TMEM192: variants seen among roughly 807,000 people sequenced by gnomAD.
The protein encoded by TMEM192 is transmembrane protein 192.
Under a neutral mutation model 26.7 loss-of-function variants are expected in TMEM192, and 20 were observed. The ratio of observed to expected loss-of-function variants is 0.75; its 90% CI spans 0.53 to 1.09. The LOEUF is 1.09. Ranked by LOEUF, TMEM192 falls within the 50% of genes least tolerant of loss-of-function variation. TMEM192 has a pLI of 0.00. For synonymous variants in TMEM192, 124 were observed against 121.0 expected (o/e 1.02, Z -0.16); for missense variants, 304 against 322.6 (o/e 0.94, Z 0.44).
intron 3 of TMEM192, among the ~76,000 whole-genome samples, chr4:165,097,499 A>C (rs1734937882): frequency 6.7e-6 from 1 of 149,724 alleles, no homozygotes; most frequent in African/African-American, 2.4e-5. Context: ...ATCTCAAAAA[A>C]AAAAAAAAAA....
chr4:165,079,849 G>A (rs906760586), intron 5 of TMEM192, 53 bp from the exon 6 acceptor site: 9 of 1,548,124 alleles, frequency 5.8e-6, no homozygotes, highest in Non-Finnish European at 7.9e-6. Context: ...ATACTCATTA[G>A]TGTCTTTGCA....
chr4:165,081,355 T>C (rs73007657), intron 5 of TMEM192, among the ~76,000 whole-genome samples: 4,431 of 151,520 alleles, frequency 0.029, 172 homozygotes, highest in African/African-American at 0.085. Context: ...CTCTTGTATA[T>C]ACTGACTTTT....
At chr4:165,108,112 CTTTTTTTTTTTTT>C (rs755013001) in intron 1 of TMEM192, among the ~76,000 whole-genome samples, 2 of 91,174 alleles carry the variant, frequency 2.2e-5, no homozygotes, top group African/African-American at 1.0e-4. Flanking sequence ...TCTGTATTCC[CTTTTTTTTTTTTT>C]TTTTTTTTTT....
At chr4:165,097,641 G>T (rs1322910729) in intron 3 of TMEM192, among the ~76,000 whole-genome samples, 2 of 147,904 alleles carry the variant, frequency 1.4e-5, no homozygotes, top group African/African-American at 2.5e-5. Context: ...ATAGAGGGGG[G>T]TGTCACTCTT....
At chr4:165,080,914 C>G (rs10010990) in intron 5 of TMEM192, among the ~76,000 whole-genome samples, 4,126 of 152,110 alleles carry the variant, frequency 0.027, 184 homozygotes, top group African/African-American at 0.094. Context: ...AGGGTTTTAC[C>G]ATGTTGGCCA....
intron 3 of TMEM192, among the ~76,000 whole-genome samples, chr4:165,093,909 G>C (rs1734830860): frequency 6.6e-6 from 1 of 151,688 alleles, no homozygotes; most frequent in South Asian, 2.1e-4. Context: ...GTTTTGTTTT[G>C]TTTTTTTGAG....
At chr4:165,104,456 C>A (rs1350014628) in intron 1 of TMEM192, among the ~76,000 whole-genome samples, 1 of 152,142 alleles carries the variant, frequency 6.6e-6, no homozygotes, top group East Asian at 1.9e-4. Context: ...TAGGGTGTAA[C>A]CTAGCTCTGG....
At chr4:165,095,104 G>A (rs1344771646) in intron 3 of TMEM192, among the ~76,000 whole-genome samples, 1 of 152,122 alleles carries the variant, frequency 6.6e-6, no homozygotes, top group African/African-American at 2.4e-5. Flanking sequence ...GGGCTCCAGT[G>A]TAGGATCTGA....
chr4:165,111,673 T>G (rs1430353769), intron 1 of TMEM192: 2 of 152,244 alleles, frequency 1.3e-5, no homozygotes, highest in Non-Finnish European at 2.9e-5. Flanking sequence ...ATTTTCCATT[T>G]TCTCAACTGG....
intron 1 of TMEM192, among the ~76,000 whole-genome samples, chr4:165,110,084 G>A (rs1435817215): frequency 6.6e-6 from 1 of 152,112 alleles, no homozygotes. Flanking sequence ...AATCCTATAG[G>A]AAATATGCAG....
At position 165,102,993 on chromosome 4, in the gene TMEM192, G is replaced by C; in HGVS notation, c.131C>G (p.Pro44Arg). The C allele has an allele frequency of 1.2e-6, 2 of 1,613,458 alleles. No individual in the cohort carries two copies. Among genetic ancestry groups the C allele is most frequent in the East Asian group, 2.2e-5 (1 of 44,856 alleles). ...ATTCACTATGATGACTGTAGGAAGA[G>C]GATGGAATCGGGGTCTAAAGTGAGC... Reference protein sequence around the residue: ...LQAHFRPRFHPLPTVIIVNLL... With the variant: ...LQAHFRPRFHRLPTVIIVNLL... Residue 44 changes from proline to arginine, a missense_variant, in exon 2 of 6, where the codon CCT (proline) becomes CGT (arginine). Pro to Arg is a moderately radical substitution (Grantham distance 103, BLOSUM62 -2). Coordinates refer to ENST00000306480, the MANE Select transcript of TMEM192 (RefSeq NM_001100389.2).
chr4:165,094,088 A>AG (rs1368316349), intron 3 of TMEM192, among the ~76,000 whole-genome samples: 2 of 151,404 alleles, frequency 1.3e-5, no homozygotes, highest in Non-Finnish European at 1.5e-5. Flanking sequence ...TTTAGTAGAG[A>AG]GGGGGTTTCA....
intron 3 of TMEM192, among the ~76,000 whole-genome samples, chr4:165,094,065 A>T (rs1315672280): frequency 6.6e-6 from 1 of 151,432 alleles, no homozygotes; most frequent in Non-Finnish European, 1.5e-5. Flanking sequence ...ATGCCTGGCT[A>T]ATTTTTTGTA....
intron 3 of TMEM192, among the ~76,000 whole-genome samples, chr4:165,096,189 C>A (rs977475718): frequency 1.3e-5 from 2 of 151,852 alleles, no homozygotes; most frequent in African/African-American, 4.8e-5. Flanking sequence ...GAGCGGATCA[C>A]CTGAGGTTAG....
chr4:165,073,934 A>C lies in TMEM192; in HGVS notation c.*5724T>G, dbSNP rs1355156021. The stretch of plus-strand genomic sequence containing the variant: ...CTCCCCTCGTCAAGATATTAAAAAT[A>C]ATGATCAATAAATACTAACAGAACT... On this transcript the variant is annotated 3_prime_UTR_variant, in exon 6 of 6. Coordinates refer to ENST00000306480, the MANE Select transcript of TMEM192 (RefSeq NM_001100389.2). 6.6e-6 allele frequency: 1 copy of C among 152,140 alleles called. No homozygotes were observed. Among genetic ancestry groups the C allele is most frequent in the Non-Finnish European group, 1.5e-5 (1 of 68,060 alleles). The allele number at this position is 152,140 out of a possible 1,614,324, so 9.4% of individuals were successfully genotyped here. A position where few individuals can be genotyped will look rare whatever the true frequency, so the allele number is the denominator to read the frequency against.
rs542877284 is a variant in TMEM192 at position 165,071,492 on chromosome 4, G to C, written c.*8166C>G. ...TTTTCAGTAGAGACAGGGTTTCATC[G>C]TGTTGGCCAGGCCGGTCTCCCAACT... On this transcript the variant is annotated 3_prime_UTR_variant, in exon 6 of 6. Transcript: ENST00000306480. The C allele has an allele frequency of 6.6e-6, 1 of 152,108 alleles. No homozygotes were observed. The highest frequency in any genetic ancestry group is 2.1e-4 in the South Asian group (1 of 4,814). 9.4% of individuals were successfully genotyped at this position (152,108 alleles called of 1,614,324 possible). A position where few individuals can be genotyped will look rare whatever the true frequency, so the allele number is the denominator to read the frequency against.
Position 165,085,585 on chromosome 4 carries a change from C to G in TMEM192, c.677+1G>C. On this transcript the variant is annotated splice_donor_variant, in intron 5 of 5. Transcript: ENST00000306480. LOFTEE classifies it high-confidence loss of function. ...TTATTTTATTCTCACCTAAATCTTA[C>G]CTGAATCCAGTCTCCGAGGTAATAT... 2 of 1,599,152 alleles carry G rather than the reference C, an allele frequency of 1.3e-6. No homozygotes were observed. The highest frequency in any genetic ancestry group is 2.2e-5 in the East Asian group (1 of 44,734).
intron 1 of TMEM192, among the ~76,000 whole-genome samples, chr4:165,111,063 G>T (rs1171114479): frequency 1.3e-5 from 2 of 152,196 alleles, no homozygotes; most frequent in Admixed American, 1.3e-4. Flanking sequence ...TATGTGGTTG[G>T]TAGCAAAACA....
intron 3 of TMEM192, among the ~76,000 whole-genome samples, chr4:165,091,360 G>A (rs1325002199): frequency 6.6e-6 from 1 of 152,082 alleles, no homozygotes; most frequent in African/African-American, 2.4e-5. Flanking sequence ...TAATTTGTGG[G>A]ATCTAAGACT....
Sources: gnomAD v4.1 joint callset for allele counts (sites outside exome capture counted in the v4.1 genomes callset) on GRCh38, gnomAD v4.1.1 for gene constraint, MANE v1.5 for transcripts, NCBI Gene and HGNC (gene_info 2026-07-23, HGNC 2026-07-21) for gene names.